The following LGSN variants were observed in gnomAD, a reference collection of about 807,000 sequenced individuals.
The protein encoded by LGSN is lengsin.
A neutral mutation model predicts 19.5 loss-of-function variants in LGSN; 21 were observed. The ratio of observed to expected loss-of-function variants is 1.07; its 90% CI spans 0.76 to 1.55. The LOEUF (loss-of-function observed/expected upper bound fraction) is 1.55. Ranked by LOEUF, LGSN falls within the 40% of genes most tolerant of loss-of-function variation. The probability of loss-of-function intolerance (pLI) is 0.00; values close to 1 mark genes in which losing one functional copy is unlikely to be tolerated. For synonymous variants in LGSN, 257 were observed against 215.6 expected (o/e 1.19, Z -1.68); for missense variants, 673 against 608.5 (o/e 1.11, Z -1.12).
At chr6:63,491,027 G>A in the LGSN span, among the ~76,000 whole-genome samples, 4 of 152,088 alleles carry the variant, frequency 2.6e-5, no homozygotes, top group East Asian at 7.7e-4. Flanking sequence ...AGTGGTGAAG[G>A]TGGATCTTCT....
At chr6:63,401,681 C>T in the LGSN span, among the ~76,000 whole-genome samples, 1 of 152,046 alleles carries the variant, frequency 6.6e-6, no homozygotes, top group Non-Finnish European at 1.5e-5. Context: ...CAGCCATGGG[C>T]GTGTAGGTGA....
chr6:63,377,531 C>A, the LGSN span, among the ~76,000 whole-genome samples: 2 of 152,248 alleles, frequency 1.3e-5, no homozygotes, highest in East Asian at 3.9e-4. Context: ...CAGGATAATT[C>A]TATAGAAAGA....
the LGSN span, among the ~76,000 whole-genome samples, chr6:63,488,496 C>G: frequency 2.0e-5 from 3 of 152,136 alleles, no homozygotes; most frequent in Non-Finnish European, 4.4e-5. Context: ...TTCCTTTCAG[C>G]CTTTTTCATG....
At chr6:63,318,607 T>C (rs922096870) in intron 1 of LGSN, among the ~76,000 whole-genome samples, 1 of 152,162 alleles carries the variant, frequency 6.6e-6, no homozygotes, top group Admixed American at 6.5e-5. Flanking sequence ...TCTCTTGCTG[T>C]GAGAATTGTG....
At chr6:63,394,470 G>C in the LGSN span, among the ~76,000 whole-genome samples, 1 of 152,124 alleles carries the variant, frequency 6.6e-6, no homozygotes, top group Non-Finnish European at 1.5e-5. Flanking sequence ...AAGTTACTCT[G>C]TATGGTTTAA....
chr6:63,327,499 C>G, the LGSN span, among the ~76,000 whole-genome samples: 16 of 152,194 alleles, frequency 1.1e-4, no homozygotes, highest in Non-Finnish European at 1.5e-5. Context: ...TAAGAAGGTG[C>G]AGAGTCCTCC....
the LGSN span, among the ~76,000 whole-genome samples, chr6:63,475,062 A>G: frequency 1.3e-5 from 2 of 152,166 alleles, no homozygotes; most frequent in African/African-American, 4.8e-5. Flanking sequence ...ACATTGTTAT[A>G]AAACAAACCA....
At chr6:63,432,179 GAAAGAAAAGAAAAGA>G in the LGSN span, among the ~76,000 whole-genome samples, 265 of 113,646 alleles carry the variant, frequency 2.3e-3, 8 homozygotes, top group Admixed American at 5.3e-3. Flanking sequence ...GAAAAGGAAA[GAAAGAAAAGAAAAGA>G]AAAGAAAAGA....
At chr6:63,299,593 T>A (rs577037913) in intron 1 of LGSN, among the ~76,000 whole-genome samples, 82 of 152,312 alleles carry the variant, frequency 5.4e-4, no homozygotes, top group African/African-American at 1.9e-3. Context: ...GTAATTGGAA[T>A]ATTGATAGTC....
the LGSN span, among the ~76,000 whole-genome samples, chr6:63,373,333 G>C: frequency 6.6e-6 from 1 of 152,130 alleles, no homozygotes; most frequent in African/African-American, 2.4e-5. Flanking sequence ...GAGGAACCTG[G>C]TGACGTCATG....
chr6:63,366,821 C>A, the LGSN span, among the ~76,000 whole-genome samples: 8 of 151,488 alleles, frequency 5.3e-5, no homozygotes, highest in Non-Finnish European at 7.4e-5. Context: ...ACAAACCTGA[C>A]GAAAACAAGC....
chr6:63,294,371 A>C (rs1315384630), intron 2 of LGSN, among the ~76,000 whole-genome samples: 1 of 151,966 alleles, frequency 6.6e-6, no homozygotes, highest in Non-Finnish European at 1.5e-5. Context: ...TAAATAAATA[A>C]ATAATAAAAT....
At chr6:63,482,607 T>C in the LGSN span, among the ~76,000 whole-genome samples, 7 of 152,038 alleles carry the variant, frequency 4.6e-5, no homozygotes, top group Non-Finnish European at 8.8e-5. Context: ...TGCACGCCTG[T>C]GGTCCCAGCT....
At chr6:63,293,692 C>T (rs1474733955) in intron 2 of LGSN, 1 of 455,036 alleles carries the variant, frequency 2.2e-6, no homozygotes, top group Non-Finnish European at 4.4e-6. Flanking sequence ...AATTCACCTC[C>T]AGGAACATTG....
the LGSN span, among the ~76,000 whole-genome samples, chr6:63,548,282 T>C: frequency 2.0e-5 from 3 of 152,208 alleles, no homozygotes; most frequent in Admixed American, 1.3e-4. Context: ...GTGACATAAC[T>C]TTTCTGTACC....
rs374038029 is a variant in LGSN, at chr6:63,285,605, G to A, written c.312C>T (p.Ile104=). 1.3e-5 allele frequency: 21 copies of A among 1,613,608 alleles called. No individual in the cohort carries two copies. Among genetic ancestry groups the A allele is most frequent in the South Asian group, 1.1e-4 (10 of 91,028 alleles). ...AACTCACTTGAAAAAAGTGTGCAGG[G>A]ATAGTCTTAGACCTGGACACGCCGT... ...DLHGVSRSKT[I]PAHFFQEKVS... Residue 104 remains isoleucine (I), a synonymous_variant, in exon 3 of 4, where the codon ATC becomes ATT. Coordinates refer to ENST00000370657, the MANE Select transcript of LGSN (RefSeq NM_016571.3).
At chr6:63,388,280 CA>C in the LGSN span, among the ~76,000 whole-genome samples, 1 of 152,070 alleles carries the variant, frequency 6.6e-6, no homozygotes. Flanking sequence ...GGAAATTTCA[CA>C]AGGTAGGCAG....
At chr6:63,474,267 C>T in the LGSN span, among the ~76,000 whole-genome samples, 1 of 152,170 alleles carries the variant, frequency 6.6e-6, no homozygotes, top group African/African-American at 2.4e-5. Context: ...GGACAGCTGA[C>T]TTTCTTAGAA....
chr6:63,486,227 A>G, the LGSN span, among the ~76,000 whole-genome samples: 1 of 152,170 alleles, frequency 6.6e-6, no homozygotes, highest in African/African-American at 2.4e-5. Flanking sequence ...ACTTTTACTA[A>G]TATCTCTCAC....
Sources: allele counts gnomAD v4.1 joint callset (sites outside exome capture counted in the v4.1 genomes callset), GRCh38; gene constraint gnomAD v4.1.1; transcripts MANE v1.5; gene names NCBI Gene and HGNC (gene_info 2026-07-23, HGNC 2026-07-21).